Variants in UTRN observed in about 807,000 individuals in gnomAD.
UTRN encodes dystrophin-related protein 1.
In UTRN, 283 loss-of-function variants were observed where a neutral mutation model predicts 463.9. That is an observed-to-expected ratio of 0.61 (90% CI 0.55 to 0.67). The LOEUF (loss-of-function observed/expected upper bound fraction) is 0.67, where lower values mean the gene tolerates loss of function less well. UTRN is among the 30% of genes least tolerant of loss of function. The pLI, the probability that UTRN is intolerant of heterozygous loss-of-function variation, is 0.00. For missense variants in UTRN, 3,922 were observed against 4,084.3 expected (o/e 0.96, Z 1.08); for synonymous variants, 1,442 against 1,431.5 (o/e 1.01, Z -0.17).
At chr6:144,723,447 T>A (rs1286228485) in intron 53 of UTRN, among the ~76,000 whole-genome samples, 4 of 152,222 alleles carry the variant, frequency 2.6e-5, no homozygotes, top group African/African-American at 9.6e-5. Context: ...TATTGAGTGC[T>A]TTCTATATAT....
At chr6:144,667,399 G>T (rs1439242061) in intron 51 of UTRN, among the ~76,000 whole-genome samples, 5 of 152,088 alleles carry the variant, frequency 3.3e-5, no homozygotes, top group African/African-American at 4.8e-5. Context: ...GAATCAAATA[G>T]GTCAAACCAC....
At chr6:144,568,025 G>A (rs968829167) in intron 50 of UTRN, among the ~76,000 whole-genome samples, 1 of 152,012 alleles carries the variant, frequency 6.6e-6, no homozygotes, top group Non-Finnish European at 1.5e-5. Context: ...AATGATTATA[G>A]GCTATAGGGT....
Position 144,522,098 on chromosome 6 carries a change from A to C in UTRN, c.5660A>C (p.Glu1887Ala), listed in dbSNP as rs780866383. The change falls in exon 40 of 75, where the codon GAA (glutamate) becomes GCA (alanine). Residue 1887 changes from glutamate (E) to alanine (A), a missense_variant. By Grantham distance (107) the Glu-to-Ala change is moderately radical. Around this residue, in one of 3 missense-constraint regions of UTRN, gnomAD observed 2,349 missense variants for 2,303.8 expected, o/e 1.02. Coordinates refer to ENST00000367545, the MANE Select transcript of UTRN (RefSeq NM_007124.3). ...ATTTTACTTTGCATGGATGATGTTG[A>C]ATTATCGCTTAATGTTCCAGAGCTC... ...NKILLCMDDVELSLNVPELNT... is the reference protein window; with the variant it reads ...NKILLCMDDVALSLNVPELNT... 20 of 1,585,738 alleles carry C rather than the reference A, an allele frequency of 1.3e-5. No homozygotes were observed. The highest frequency in any genetic ancestry group is 1.5e-5 in the Non-Finnish European group (18 of 1,167,830).
intron 51 of UTRN, among the ~76,000 whole-genome samples, chr6:144,599,111 G>T (rs943378606): frequency 5.3e-5 from 8 of 152,070 alleles, no homozygotes; most frequent in Non-Finnish European, 8.8e-5. Context: ...CTCATTTAAG[G>T]CACAAAGCAC....
chr6:144,305,354 A>C (rs1044322176), intron 2 of UTRN, among the ~76,000 whole-genome samples: 1 of 152,220 alleles, frequency 6.6e-6, no homozygotes, highest in Non-Finnish European at 1.5e-5. Flanking sequence ...AAAATACAAA[A>C]ATTTTTATGG....
chr6:144,835,694 G>T, intron 69 of UTRN, 86 bp from the exon 70 acceptor site: 2 of 1,563,202 alleles, frequency 1.3e-6, no homozygotes, highest in Non-Finnish European at 1.7e-6. Flanking sequence ...CCACTATCCT[G>T]TCCATCATTA....
intron 51 of UTRN, among the ~76,000 whole-genome samples, chr6:144,666,987 C>T (rs979804455): frequency 5.3e-5 from 8 of 152,062 alleles, no homozygotes; most frequent in African/African-American, 1.9e-4. Flanking sequence ...GAAAACTATG[C>T]ATCTTAATGC....
At chr6:144,364,559 CACAGGCAGGGATG>C (rs1779351550) in intron 2 of UTRN, among the ~76,000 whole-genome samples, 1 of 152,200 alleles carries the variant, frequency 6.6e-6, no homozygotes, top group Non-Finnish European at 1.5e-5. Flanking sequence ...ATTTGTGATT[CACAGGCAGGGATG>C]ACTGACTGAG....
At chr6:144,625,135 A>G (rs1775814604) in intron 51 of UTRN, among the ~76,000 whole-genome samples, 1 of 152,204 alleles carries the variant, frequency 6.6e-6, no homozygotes, top group Non-Finnish European at 1.5e-5. Flanking sequence ...GGAAGAAAAT[A>G]TCCACACGTC....
At chr6:144,538,349 A>G (rs1797710863) in intron 44 of UTRN, among the ~76,000 whole-genome samples, 1 of 152,166 alleles carries the variant, frequency 6.6e-6, no homozygotes, top group African/African-American at 2.4e-5. Context: ...AACACTCAGC[A>G]TAATGTGCTC....
At chr6:144,789,101 G>C in intron 61 of UTRN, 93 bp from the exon 62 acceptor site, 1 of 1,006,420 alleles carries the variant, frequency 9.9e-7, no homozygotes, top group Middle Eastern at 2.3e-4. Context: ...ATTTTTGATG[G>C]TTTACCCCCA....
intron 34 of UTRN, among the ~76,000 whole-genome samples, chr6:144,503,860 A>G (rs925299867): frequency 1.3e-5 from 2 of 152,132 alleles, no homozygotes; most frequent in African/African-American, 2.4e-5. Flanking sequence ...CACAGTATTG[A>G]TTCTTCCTAT....
chr6:144,423,596 C>T lies in UTRN; in HGVS notation c.282C>T (p.Asn94=), dbSNP rs771989905. Residue 94 remains asparagine (N), a synonymous_variant, in exon 5 of 75, where the codon AAC becomes AAT. Transcript: ENST00000367545. The part of the protein sequence containing the change: ...STRVHALNNV[N]RVLQVLHQNN... ...GGGTACATGCCTTAAATAACGTCAA[C>T]AGAGTGCTGCAGGTTTTACATCAGA... The T allele has an allele frequency of 1.2e-6, 2 of 1,614,230 alleles. No individual in the cohort carries two copies. Among genetic ancestry groups the T allele is most frequent in the South Asian group, 2.2e-5 (2 of 91,088 alleles).
At chr6:144,700,413 C>T (rs4896737) in intron 53 of UTRN, among the ~76,000 whole-genome samples, 170 bp downstream of exon 53, 39,317 of 151,732 alleles carry the variant, frequency 0.26, 5,846 homozygotes, top group Admixed American at 0.44. Flanking sequence ...ACATTGTTTC[C>T]ATTTGTATTA....
At chr6:144,661,599 A>G (rs1032754029) in intron 51 of UTRN, among the ~76,000 whole-genome samples, 40 of 152,194 alleles carry the variant, frequency 2.6e-4, no homozygotes, top group African/African-American at 9.2e-4. Context: ...GCAGCTGGTA[A>G]CAGCAGGTGA....
intron 2 of UTRN, among the ~76,000 whole-genome samples, chr6:144,307,211 T>A (rs1180062389): frequency 6.6e-6 from 1 of 152,136 alleles, no homozygotes; most frequent in Non-Finnish European, 1.5e-5. Flanking sequence ...ATTTGTAATA[T>A]TTTTTAGTAG....
At position 144,286,074 on chromosome 6, in the gene UTRN, C is replaced by T. The variant is rs576783502; in HGVS notation, c.-93+253C>T. Among the ~76,000 whole-genome samples, 10 of 150,714 alleles carry T rather than the reference C, an allele frequency of 6.6e-5. No individual in the cohort carries two copies. The South Asian group carries it at 2.1e-3, about 32-fold the overall frequency. On this transcript the variant is annotated intron_variant, in intron 1 of 74. Coordinates refer to ENST00000367545, the MANE Select transcript of UTRN (RefSeq NM_007124.3). This position sits in a 1 kb window ranked among gnomAD's most constrained non-coding sequence, Gnocchi z 4.4. ...CGTGGAGAGCTCGGGCGTGGAGGTC[C>T]TTGGGATCCGTACTAGTTGTGAACG...
intron 2 of UTRN, among the ~76,000 whole-genome samples, chr6:144,346,618 C>T (rs772080423): frequency 6.6e-6 from 1 of 152,202 alleles, no homozygotes; most frequent in Non-Finnish European, 1.5e-5. Flanking sequence ...GTCAGGAGTT[C>T]AGGCCAGGAG....
At chr6:144,630,080 C>T (rs562185506) in intron 51 of UTRN, among the ~76,000 whole-genome samples, 115 of 152,040 alleles carry the variant, frequency 7.6e-4, no homozygotes, top group African/African-American at 2.6e-3. Flanking sequence ...CCCAGCTACT[C>T]GGGAGGCTGA....
Sources: gnomAD v4.1 joint callset for allele counts (sites outside exome capture counted in the v4.1 genomes callset) on GRCh38, gnomAD v4.1.1 for gene constraint, gnomAD v4.1.1 regional missense constraint, Gnocchi (gnomAD v3.1) non-coding constraint, MANE v1.5 for transcripts, NCBI Gene and HGNC (gene_info 2026-07-23, HGNC 2026-07-21) for gene names.